TRAPPC9: variants seen among roughly 807,000 people sequenced by gnomAD.
TRAPPC9 encodes the protein IKK2 binding protein.
In TRAPPC9, 83 loss-of-function variants were observed where a neutral mutation model predicts 124.0. That is an observed-to-expected ratio of 0.67 (90% CI 0.56 to 0.80). The LOEUF (loss-of-function observed/expected upper bound fraction) is 0.80. TRAPPC9 is among the 30% of genes least tolerant of loss of function. TRAPPC9 has a pLI of 0.00. For missense variants in TRAPPC9, 1,302 were observed against 1,508.3 expected, an observed-to-expected ratio of 0.86 and a Z score of 2.27; for synonymous variants, 638 against 617.5, an observed-to-expected ratio of 1.03 and a Z score of -0.49.
At chr8:140,238,191 G>C (rs1327391559) in intron 16 of TRAPPC9, 2 of 152,202 alleles carry the variant, frequency 1.3e-5, no homozygotes, top group Admixed American at 6.5e-5. Flanking sequence ...CTGCAATGGG[G>C]ATCACCTGTT....
intron 7 of TRAPPC9, among the ~76,000 whole-genome samples, chr8:140,394,521 C>G (rs150960050): frequency 8.7e-4 from 133 of 152,306 alleles, no homozygotes; most frequent in South Asian, 3.5e-3. Context: ...GGTTATGCAG[C>G]GAACAGGTGG....
At chr8:139,909,978 T>C (rs1280873529) in intron 20 of TRAPPC9, among the ~76,000 whole-genome samples, 169 bp downstream of exon 20, 1 of 152,152 alleles carries the variant, frequency 6.6e-6, no homozygotes, top group Non-Finnish European at 1.5e-5. Context: ...CTTTGAAGTG[T>C]TAAGAGGTTA....
chr8:140,121,700 C>G (rs1375949673), intron 17 of TRAPPC9, among the ~76,000 whole-genome samples: 1 of 152,160 alleles, frequency 6.6e-6, no homozygotes, highest in Non-Finnish European at 1.5e-5. Context: ...AACTATAGGC[C>G]CTTTGATGAA....
chr8:140,265,032 G>C (rs1342569997), intron 15 of TRAPPC9, among the ~76,000 whole-genome samples: 1 of 152,176 alleles, frequency 6.6e-6, no homozygotes, highest in Non-Finnish European at 1.5e-5. Flanking sequence ...CACGCCAGCT[G>C]AACAGAGACT....
At chr8:140,443,305 G>A (rs978062141) in intron 2 of TRAPPC9, among the ~76,000 whole-genome samples, 10 of 146,706 alleles carry the variant, frequency 6.8e-5, no homozygotes, top group East Asian at 2.0e-4. Flanking sequence ...GCGTGGTGGT[G>A]GGCGCCTGTA....
At position 140,128,305 on chromosome 8, in the gene TRAPPC9, C is replaced by T. The variant is rs186622107; in HGVS notation, c.2556+93154G>A. Among the ~76,000 whole-genome samples, 65 of 152,320 alleles carry T rather than the reference C, an allele frequency of 4.3e-4. 2 individuals are homozygous for T. Among genetic ancestry groups the T allele is most frequent in the Admixed American group, 3.5e-3 (54 of 15,308 alleles). ...AAAGAAAAATACACAAACACACACA[C>T]ACAAGTTTTCATGGAAACCAGCTCC... On this transcript the variant is annotated intron_variant, in intron 17 of 22. Coordinates refer to ENST00000438773, the MANE Select transcript of TRAPPC9 (RefSeq NM_001160372.4).
rs1314418932 is a variant in TRAPPC9, at chr8:139,731,835, A to T, written c.3279+144T>A. On this transcript the variant is annotated intron_variant, in intron 22 of 22. Transcript: ENST00000438773. Reference sequence around the variant, plus strand: ...CCTGCAGTGAATGGGGCAGACTCAGACTCAGTGTGCACACGTGACCACAGA... The same window carrying T: ...CCTGCAGTGAATGGGGCAGACTCAGTCTCAGTGTGCACACGTGACCACAGA... The T allele has an allele frequency of 1.5e-5, 12 of 778,036 alleles. No individual in the cohort carries two copies. The South Asian group carries it at 1.8e-4, about 12-fold the overall frequency. The allele number at this position is 778,036 out of a possible 1,614,324, so 48.2% of individuals were successfully genotyped here.
intron 17 of TRAPPC9, among the ~76,000 whole-genome samples, chr8:140,122,001 G>A (rs989026691): frequency 2.7e-5 from 4 of 147,442 alleles, no homozygotes; most frequent in African/African-American, 1.0e-4. Context: ...TGTTGCTGGA[G>A]TCCATCTCTT....
intron 17 of TRAPPC9, among the ~76,000 whole-genome samples, chr8:140,168,404 C>T (rs972616365): frequency 2.6e-5 from 4 of 152,174 alleles, no homozygotes; most frequent in Admixed American, 6.5e-5. Context: ...CATTTAGCAG[C>T]TGATGCCCCT....
chr8:140,215,915 C>T (rs2063181198), intron 17 of TRAPPC9: 1 of 152,162 alleles, frequency 6.6e-6, no homozygotes, highest in Admixed American at 6.5e-5. Context: ...AGTGGCTGGC[C>T]TCCAAGGGCA....
intron 17 of TRAPPC9, among the ~76,000 whole-genome samples, chr8:140,156,849 A>C (rs2061639232): frequency 6.6e-6 from 1 of 152,272 alleles, no homozygotes; most frequent in Non-Finnish European, 1.5e-5. Flanking sequence ...ACAAAAATTT[A>C]ATGCAAGAAG....
intron 17 of TRAPPC9, among the ~76,000 whole-genome samples, chr8:140,082,355 A>G (rs929420462): frequency 6.6e-6 from 1 of 151,822 alleles, no homozygotes; most frequent in African/African-American, 2.4e-5. Flanking sequence ...GTGTGGAATC[A>G]TTTTTTTTCC....
chr8:140,024,108 A>G, intron 17 of TRAPPC9, 29 bp from the exon 18 acceptor site: 1 of 1,610,998 alleles, frequency 6.2e-7, no homozygotes, highest in Non-Finnish European at 8.5e-7. Context: ...AAAAATACAC[A>G]CACACACATT....
chr8:140,139,655 C>T (rs965505935), intron 17 of TRAPPC9, among the ~76,000 whole-genome samples: 2 of 150,488 alleles, frequency 1.3e-5, no homozygotes. Context: ...AAGCCAGATA[C>T]AAAAAAAAAG....
At chr8:140,267,079 A>T (rs2064693221) in intron 15 of TRAPPC9, among the ~76,000 whole-genome samples, 1 of 152,238 alleles carries the variant, frequency 6.6e-6, no homozygotes, top group Admixed American at 6.5e-5. Context: ...AGGAAAGCGA[A>T]GATGAGAGGA....
intron 17 of TRAPPC9, among the ~76,000 whole-genome samples, chr8:140,178,311 T>C (rs1053571673): frequency 3.3e-5 from 5 of 152,158 alleles, no homozygotes; most frequent in Non-Finnish European, 7.4e-5. Flanking sequence ...ATCATAAATG[T>C]GTGATGCATT....
intron 21 of TRAPPC9, among the ~76,000 whole-genome samples, chr8:139,796,098 A>AGGAGGAGGAAGAGGAGGAG (rs1278666636): frequency 1.5e-5 from 2 of 133,466 alleles, no homozygotes; most frequent in Non-Finnish European, 3.2e-5. Context: ...GAGGAGGAAG[A>AGGAGGAGGAAGAGGAGGAG]GGAGGAGGAA....
At chr8:140,364,599 T>TC (rs1411601295) in intron 8 of TRAPPC9, among the ~76,000 whole-genome samples, 4 of 152,204 alleles carry the variant, frequency 2.6e-5, no homozygotes, top group Non-Finnish European at 5.9e-5. Context: ...ATTTTTTTTT[T>TC]CGAGACGGAG....
chr8:139,881,774 C>G (rs1377168960), intron 21 of TRAPPC9, among the ~76,000 whole-genome samples: 1 of 152,240 alleles, frequency 6.6e-6, no homozygotes, highest in Non-Finnish European at 1.5e-5. Flanking sequence ...TCTCCAAGAA[C>G]AGAGACAGAA....
Sources: gnomAD v4.1 joint callset for allele counts (sites outside exome capture counted in the v4.1 genomes callset) on GRCh38, gnomAD v4.1.1 for gene constraint, MANE v1.5 for transcripts, NCBI Gene and HGNC (gene_info 2026-07-23, HGNC 2026-07-21) for gene names.